SPON1: variants seen among roughly 807,000 people sequenced by gnomAD.
SPON1 encodes the protein spondin 1.
In SPON1, 52 loss-of-function variants were observed where a neutral mutation model predicts 111.7. That is an observed-to-expected ratio of 0.47 (90% CI 0.37 to 0.59). The LOEUF (loss-of-function observed/expected upper bound fraction) is 0.59, where lower values mean the gene tolerates loss of function less well. Among genes scored for constraint, SPON1 ranks in the 20% least tolerant of loss-of-function variants. SPON1 has a pLI of 0.00. For synonymous variants in SPON1, 410 were observed against 395.8 expected, an observed-to-expected ratio of 1.04 and a Z score of -0.43; for missense variants, 957 against 1,068.5, an observed-to-expected ratio of 0.90 and a Z score of 1.46.
chr11:14,099,965 C>T (rs957464231), intron 5 of SPON1, among the ~76,000 whole-genome samples: 4 of 152,070 alleles, frequency 2.6e-5, no homozygotes, highest in African/African-American at 4.8e-5. Context: ...CATCACCAAG[C>T]GGAGGGAGCT....
At chr11:14,054,500 T>A (rs1848730184) in intron 3 of SPON1, among the ~76,000 whole-genome samples, 1 of 152,182 alleles carries the variant, frequency 6.6e-6, no homozygotes, top group Non-Finnish European at 1.5e-5. Context: ...TTGCTCTAAT[T>A]GCAGTTTTGG....
At position 14,135,613 on chromosome 11, in the gene SPON1, T is replaced by C. The variant is rs782473509; in HGVS notation, c.825+45T>C. ...GAATGACCAAATAACAGAAATGCAG[T>C]CAAAGCACTCCTTAGATATCTTTCC... is the stretch of plus-strand genomic sequence containing the variant. On this transcript the variant is annotated intron_variant, in intron 6 of 15. Transcript: ENST00000576479. This position sits in a 1 kb window ranked among gnomAD's most constrained non-coding sequence, Gnocchi z 4.4. The C allele has an allele frequency of 1.3e-6, 2 of 1,586,138 alleles. No individual in the cohort carries two copies. The highest frequency in any genetic ancestry group is 1.7e-6 in the Non-Finnish European group (2 of 1,158,450).
At chr11:14,025,012 C>G (rs1554915179) in intron 2 of SPON1, among the ~76,000 whole-genome samples, 1 of 152,164 alleles carries the variant, frequency 6.6e-6, no homozygotes, top group Non-Finnish European at 1.5e-5. Context: ...TGGGCAAAGC[C>G]ACAGAGATAA....
In SPON1 at chr11:14,160,881, A is replaced by G. The variant is rs1847931418; in HGVS notation, c.825+25313A>G. Among the ~76,000 whole-genome samples, 2 of 54,452 alleles carry G rather than the reference A, an allele frequency of 3.7e-5. 1 individual carries two copies. Among genetic ancestry groups the G allele is most frequent in the African/African-American group, 1.6e-4 (2 of 12,482 alleles). The allele number at this position is 54,452 out of a possible 152,430, so 35.7% of individuals were successfully genotyped here. ...TATATTTATATATTTTTATATTTTT[A>G]TATATTTATATATATTTATATATTT... On this transcript the variant is annotated intron_variant, in intron 6 of 15. Transcript: ENST00000576479.
At chr11:14,063,490 A>G (rs1454211877) in intron 3 of SPON1, among the ~76,000 whole-genome samples, 2 of 151,996 alleles carry the variant, frequency 1.3e-5, no homozygotes, top group African/African-American at 4.8e-5. Context: ...TTCTGTGAGA[A>G]AGATTAGGAA....
chr11:14,188,544 C>T (rs1444299767), intron 6 of SPON1, among the ~76,000 whole-genome samples: 1 of 152,160 alleles, frequency 6.6e-6, no homozygotes, highest in Non-Finnish European at 1.5e-5. Context: ...TAAACTTTCT[C>T]ACCAATAGCA....
intron 6 of SPON1, among the ~76,000 whole-genome samples, chr11:14,231,911 C>A (rs1404311105): frequency 2.2e-5 from 3 of 135,948 alleles, no homozygotes; most frequent in African/African-American, 8.4e-5. Flanking sequence ...TTGATGAAAG[C>A]TGCTGGGTAA....
At chr11:14,058,985 A>C (rs1279514919) in intron 3 of SPON1, among the ~76,000 whole-genome samples, 1 of 152,140 alleles carries the variant, frequency 6.6e-6, no homozygotes, top group Non-Finnish European at 1.5e-5. Flanking sequence ...GTCTTTTATA[A>C]AGTGTCTTGA....
At chr11:13,975,166 AT>A (rs34603773) in intron 1 of SPON1, among the ~76,000 whole-genome samples, 11 of 151,910 alleles carry the variant, frequency 7.2e-5, no homozygotes, top group African/African-American at 2.7e-4. Context: ...CTGTTGCTAT[AT>A]TTTTTCCCCC....
chr11:14,214,357 A>T (rs927855490), intron 6 of SPON1, among the ~76,000 whole-genome samples: 1 of 152,196 alleles, frequency 6.6e-6, no homozygotes, highest in Admixed American at 6.5e-5. Context: ...ATGATGCTTC[A>T]GAATAAAAAC....
At chr11:14,166,760 C>T (rs910449668) in intron 6 of SPON1, among the ~76,000 whole-genome samples, 7 of 152,132 alleles carry the variant, frequency 4.6e-5, no homozygotes, top group Admixed American at 2.6e-4. Context: ...TTTTGGAACA[C>T]ATACTCATAA....
rs782434285 is a variant in SPON1, at chr11:14,041,580, C to T, written c.405C>T (p.Ser135=). 6.2e-7 allele frequency: 1 copy of T among 1,613,926 alleles called. No individual in the cohort carries two copies. Among genetic ancestry groups the T allele is most frequent in the Non-Finnish European group, 8.5e-7 (1 of 1,179,868 alleles). The change falls in exon 3 of 16, where the codon AGC becomes AGT. Residue 135 remains serine, a synonymous_variant. Transcript: ENST00000576479. ...MSNCPVAVTE[S]TPRRRTRIQV... ...ATTGCCCTGTTGCAGTCACTGAAAGCACTCCACGGAGGAGGACCCGGATCC... is the reference window on the plus strand; with the variant it reads ...ATTGCCCTGTTGCAGTCACTGAAAGTACTCCACGGAGGAGGACCCGGATCC...
intron 6 of SPON1, among the ~76,000 whole-genome samples, chr11:14,156,322 C>T (rs1292672450): frequency 7.2e-6 from 1 of 138,184 alleles, no homozygotes; most frequent in Non-Finnish European, 1.6e-5. Context: ...ATGTCCTTCG[C>T]CCACTTGTTG....
At chr11:14,142,495 G>A (rs145814997) in intron 6 of SPON1, among the ~76,000 whole-genome samples, 2 of 152,302 alleles carry the variant, frequency 1.3e-5, no homozygotes, top group Non-Finnish European at 2.9e-5. Flanking sequence ...AAGCAATTAA[G>A]GGTATAAATT....
chr11:14,191,858 A>C (rs1406511246), intron 6 of SPON1, among the ~76,000 whole-genome samples: 3 of 152,200 alleles, frequency 2.0e-5, no homozygotes, highest in Admixed American at 6.5e-5. Context: ...CAACTTTCAA[A>C]TAATCTTTAC....
At position 14,244,516 on chromosome 11, in the gene SPON1, C is replaced by CA. The variant is rs1335324550; in HGVS notation, c.890+1135dup. ...CTGGTGACAGAGCAAGAATCCATCT[C>CA]AAAAAAAAAAAAAAAGAATCCAAAT... On this transcript the variant is annotated intron_variant, in intron 7 of 15. Coordinates refer to ENST00000576479, the MANE Select transcript of SPON1 (RefSeq NM_006108.4). Among the ~76,000 whole-genome samples the CA allele has an allele frequency of 8.3e-3, 910 of 109,610 alleles. 10 individuals are homozygous for CA. The highest frequency in any genetic ancestry group is 0.029 in the Middle Eastern group (6 of 204). 71.9% of individuals were successfully genotyped at this position (109,610 alleles called of 152,430 possible). A position where few individuals can be genotyped will look rare whatever the true frequency, so the allele number is the denominator to read the frequency against.
intron 1 of SPON1, among the ~76,000 whole-genome samples, chr11:13,980,725 A>G (rs1286830849): frequency 6.6e-6 from 1 of 152,204 alleles, no homozygotes; most frequent in Non-Finnish European, 1.5e-5. Context: ...TATATGTCAA[A>G]TGAATTGATT....
In SPON1 at chr11:14,266,890, C is replaced by T. The variant is rs1391178721; in HGVS notation, c.*1203C>T. 1 of 152,210 alleles carries T rather than the reference C, an allele frequency of 6.6e-6. No homozygotes were observed. The highest frequency in any genetic ancestry group is 2.4e-5 in the African/African-American group (1 of 41,454). The allele number at this position is 152,210 out of a possible 1,614,324, so 9.4% of individuals were successfully genotyped here. ...GCATAGGAATGGCCACAGGTTTACA[C>T]TGCCTTCCCAGCAATTATAAGCACA... On this transcript the variant is annotated 3_prime_UTR_variant, in exon 16 of 16. Transcript: ENST00000576479.
chr11:14,157,500 A>C (rs1320535117), intron 6 of SPON1, among the ~76,000 whole-genome samples: 1 of 152,148 alleles, frequency 6.6e-6, no homozygotes, highest in Admixed American at 6.6e-5. Context: ...TTTACTACAT[A>C]GGTAGGCATG....
Sources: allele counts gnomAD v4.1 joint callset (sites outside exome capture counted in the v4.1 genomes callset), GRCh38; gene constraint gnomAD v4.1.1; non-coding constraint Gnocchi (gnomAD v3.1); transcripts MANE v1.5; gene names NCBI Gene and HGNC (gene_info 2026-07-23, HGNC 2026-07-21).